TTLL5: variants seen among roughly 807,000 people sequenced by gnomAD.
TTLL5 encodes tubulin polyglutamylase TTLL5.
TTLL5 carries 132 observed loss-of-function variants against 168.4 expected under a neutral mutation model. That is an observed-to-expected ratio of 0.78 (90% confidence interval 0.68 to 0.91). The LOEUF is 0.91. TTLL5 is among the 40% of genes least tolerant of loss of function. TTLL5 has a pLI of 0.00. For missense variants in TTLL5, 1,545 were observed against 1,581.5 expected (o/e 0.98, Z 0.39); for synonymous variants, 546 against 558.6 (o/e 0.98, Z 0.32).
intron 18 of TTLL5, among the ~76,000 whole-genome samples, chr14:75,756,929 A>G (rs1323635089): frequency 6.6e-6 from 1 of 151,884 alleles, no homozygotes; most frequent in East Asian, 1.9e-4. Context: ...CTTAGTTTAG[A>G]GACAATGGAG....
chr14:75,741,428 T>C (rs926616642), intron 15 of TTLL5, among the ~76,000 whole-genome samples: 3 of 152,062 alleles, frequency 2.0e-5, no homozygotes, highest in African/African-American at 7.2e-5. Flanking sequence ...GAGAATGTAG[T>C]TGATGTGCCC....
chr14:75,882,838 G>A lies in TTLL5; in HGVS notation c.3676G>A (p.Val1226Ile), dbSNP rs903375968. 13 of 1,613,960 alleles carry A rather than the reference G, an allele frequency of 8.1e-6. No individual in the cohort carries two copies. Among genetic ancestry groups the A allele is most frequent in the Non-Finnish European group, 2.5e-6 (3 of 1,180,028 alleles). ...VPPPSSCASL[V>I]PKPPPNHEQV... ...ACCTCCAAGTTCTTGCGCCTCCCTG[G>A]TTCCCAAACCCCCACCCAACCACGA... The change falls in exon 30 of 32, where the codon GTT becomes ATT. Residue 1226 changes from valine (V) to isoleucine (I), a missense_variant. By Grantham distance (29) the Val-to-Ile change is conservative. Transcript: ENST00000298832.
At chr14:75,757,132 C>T (rs1890318758) in intron 18 of TTLL5, among the ~76,000 whole-genome samples, 1 of 152,078 alleles carries the variant, frequency 6.6e-6, no homozygotes, top group African/African-American at 2.4e-5. Flanking sequence ...TGCACGCCAC[C>T]ACGCCTGGCT....
At chr14:75,848,905 A>G (rs1239166732) in intron 28 of TTLL5, among the ~76,000 whole-genome samples, 1 of 152,152 alleles carries the variant, frequency 6.6e-6, no homozygotes, top group African/African-American at 2.4e-5. Flanking sequence ...CAGATGTACT[A>G]AGAAATCCAG....
chr14:75,691,922 AT>A (rs891509535), intron 6 of TTLL5, among the ~76,000 whole-genome samples: 1 of 152,184 alleles, frequency 6.6e-6, no homozygotes, highest in African/African-American at 2.4e-5. Context: ...CTGCTTCACC[AT>A]TTATCTAATA....
At chr14:75,702,301 G>A (rs532615076) in intron 7 of TTLL5, among the ~76,000 whole-genome samples, 104 of 152,182 alleles carry the variant, frequency 6.8e-4, no homozygotes, top group Non-Finnish European at 1.3e-3. Context: ...CTGCTCTGAC[G>A]TTGGTGTTGA....
intron 12 of TTLL5, among the ~76,000 whole-genome samples, chr14:75,730,359 G>T (rs746228830): frequency 2.0e-5 from 3 of 152,160 alleles, no homozygotes; most frequent in African/African-American, 7.2e-5. Context: ...AATTCATTGC[G>T]AAAAGAAGAG....
intron 30 of TTLL5, among the ~76,000 whole-genome samples, chr14:75,888,139 C>T (rs148366116): frequency 1.3e-5 from 2 of 152,206 alleles, no homozygotes; most frequent in African/African-American, 4.8e-5. Flanking sequence ...TAGTAATCCT[C>T]GTCATTTGGA....
intron 31 of TTLL5, chr14:75,906,465 C>A (rs2033152391): frequency 1.1e-6 from 1 of 926,750 alleles, no homozygotes; most frequent in Non-Finnish European, 1.3e-6. Context: ...GAACGGTGAT[C>A]CCCTTAACCT....
intron 13 of TTLL5, among the ~76,000 whole-genome samples, chr14:75,733,313 A>T (rs1888662212): frequency 6.6e-6 from 1 of 152,104 alleles, no homozygotes; most frequent in Non-Finnish European, 1.5e-5. Context: ...CGGCCAGAGC[A>T]GTTTGGTTCA....
At chr14:75,867,558 G>A (rs1446646701) in intron 29 of TTLL5, among the ~76,000 whole-genome samples, 4 of 151,638 alleles carry the variant, frequency 2.6e-5, no homozygotes, top group Non-Finnish European at 4.4e-5. Flanking sequence ...TCAGGAGTTC[G>A]AGACCAGCCT....
At position 75,846,646 on chromosome 14, in the gene TTLL5, C is replaced by T. The variant is rs138013974; in HGVS notation, c.3327-17021C>T. Among the ~76,000 whole-genome samples, 625 of 152,106 alleles carry T rather than the reference C, an allele frequency of 4.1e-3. 3 individuals carry two copies. Among genetic ancestry groups the T allele is most frequent in the East Asian group, 0.015 (75 of 5,156 alleles). Reference sequence around the variant, plus strand: ...TCTCTACTAAAAATACAAAATCAGCCAGGCATGGTGGCGCGTGCCCGTAAT... The same window carrying T: ...TCTCTACTAAAAATACAAAATCAGCTAGGCATGGTGGCGCGTGCCCGTAAT... On this transcript the variant is annotated intron_variant, in intron 28 of 31. Coordinates refer to ENST00000298832, the MANE Select transcript of TTLL5 (RefSeq NM_015072.5).
chr14:75,736,648 G>T lies in TTLL5; in HGVS notation c.1281+1359G>T, dbSNP rs193222135. Among the ~76,000 whole-genome samples the T allele has an allele frequency of 2.6e-5, 4 of 152,280 alleles. No individual in the cohort carries two copies. In the East Asian group the frequency reaches 7.7e-4, roughly 29 times the overall value. Reference sequence around the variant, plus strand: ...GAGAAATCAGAAATCTTACTTTTAAGTATTGGCAGCCACTTCATTAGAAAC... The same window carrying T: ...GAGAAATCAGAAATCTTACTTTTAATTATTGGCAGCCACTTCATTAGAAAC... On this transcript the variant is annotated intron_variant, in intron 15 of 31. Transcript: ENST00000298832.
At chr14:75,831,162 G>C (rs966308753) in intron 28 of TTLL5, among the ~76,000 whole-genome samples, 7 of 152,140 alleles carry the variant, frequency 4.6e-5, no homozygotes, top group African/African-American at 1.7e-4. Context: ...ACTCAAACTT[G>C]GTTAGTGAAA....
At chr14:75,792,234 GA>G (rs1388058967) in intron 26 of TTLL5, among the ~76,000 whole-genome samples, 2 of 110,126 alleles carry the variant, frequency 1.8e-5, no homozygotes, top group East Asian at 6.2e-4. Flanking sequence ...GGGGTGGGGG[GA>G]GGGGGGAGGG....
intron 6 of TTLL5, among the ~76,000 whole-genome samples, chr14:75,694,124 A>T (rs1885655511): frequency 6.6e-6 from 1 of 152,204 alleles, no homozygotes; most frequent in Non-Finnish European, 1.5e-5. Context: ...GTACATCTTC[A>T]TCCTGAAGCA....
At chr14:75,933,402 G>A (rs1031199732) in intron 31 of TTLL5, among the ~76,000 whole-genome samples, 1 of 152,196 alleles carries the variant, frequency 6.6e-6, no homozygotes, top group Non-Finnish European at 1.5e-5. Context: ...GGTCAAGGCC[G>A]CAGTCAGCCG....
At chr14:75,805,010 A>C (rs1345494093) in intron 27 of TTLL5, among the ~76,000 whole-genome samples, 1 of 152,128 alleles carries the variant, frequency 6.6e-6, no homozygotes, top group African/African-American at 2.4e-5. Context: ...TTGTACTGCC[A>C]AACTTCTTTT....
Position 75,863,885 on chromosome 14 carries a change from C to T in TTLL5, c.3522+23C>T, listed in dbSNP as rs752371402. 3 of 675,646 alleles carry T rather than the reference C, an allele frequency of 4.4e-6. No homozygotes were observed. The Admixed American group carries it at 7.9e-5, about 18-fold the overall frequency. The allele number at this position is 675,646 out of a possible 1,614,324, so 41.9% of individuals were successfully genotyped here. On this transcript the variant is annotated intron_variant, in intron 29 of 31. Coordinates refer to ENST00000298832, the MANE Select transcript of TTLL5 (RefSeq NM_015072.5). Reference sequence around the variant, plus strand: ...CAGGTAATTCAAGATAAGTCTTTTCCATGTGTTATATCTTCCTGCTGTTGG... The same window carrying T: ...CAGGTAATTCAAGATAAGTCTTTTCTATGTGTTATATCTTCCTGCTGTTGG...
Sources: allele counts gnomAD v4.1 joint callset (sites outside exome capture counted in the v4.1 genomes callset), GRCh38; gene constraint gnomAD v4.1.1; transcripts MANE v1.5; gene names NCBI Gene and HGNC (gene_info 2026-07-23, HGNC 2026-07-21).